WWP1: variants seen among roughly 807,000 people sequenced by gnomAD.
The protein encoded by WWP1 is WW domain containing E3 ubiquitin protein ligase 1.
In WWP1, 49 loss-of-function variants were observed where a neutral mutation model predicts 130.6. The ratio of observed to expected loss-of-function variants is 0.38; its 90% CI spans 0.30 to 0.48. WWP1 has a LOEUF of 0.48. Among genes scored for constraint, WWP1 ranks in the 20% least tolerant of loss-of-function variants. WWP1 has a pLI of 0.99. For missense variants in WWP1, 809 were observed against 1,100.6 expected (o/e 0.74, Z 3.75); for synonymous variants, 332 against 367.8 (o/e 0.90, Z 1.11).
intron 23 of WWP1, 81 bp from the exon 24 acceptor site, chr8:86,461,693 A>T: frequency 9.2e-7 from 1 of 1,088,504 alleles, no homozygotes; most frequent in Non-Finnish European, 1.4e-6. Context: ...TGACTGTGCA[A>T]CATGTTCTAT....
intron 5 of WWP1, among the ~76,000 whole-genome samples, chr8:86,383,330 T>G (rs1825089552): frequency 6.6e-6 from 1 of 152,250 alleles, no homozygotes; most frequent in East Asian, 1.9e-4. Flanking sequence ...TTCTGTTATG[T>G]TAGACTCTAC....
At position 86,430,786 on chromosome 8, in the gene WWP1, T is replaced by C. The variant is rs372189504; in HGVS notation, c.1387+35T>C. The C allele has an allele frequency of 1.5e-5, 11 of 724,508 alleles. No homozygotes were observed. In the African/African-American group the frequency reaches 1.8e-4, roughly 12 times the overall value. 44.9% of individuals were successfully genotyped at this position (724,508 alleles called of 1,614,324 possible). A position where few individuals can be genotyped will look rare whatever the true frequency, so the allele number is the denominator to read the frequency against. ...TTTTGCTAATGATCTATAAGGGAGA[T>C]ATATATCTCTCCATATATATATATA... On this transcript the variant is annotated intron_variant, in intron 12 of 24. Coordinates refer to ENST00000517970, the MANE Select transcript of WWP1 (RefSeq NM_007013.4).
At chr8:86,421,236 G>A (rs1421563080) in intron 9 of WWP1, among the ~76,000 whole-genome samples, 1 of 148,986 alleles carries the variant, frequency 6.7e-6, no homozygotes, top group Admixed American at 6.6e-5. Flanking sequence ...GGATATAATA[G>A]GCAAGTTTAA....
At chr8:86,361,073 A>G (rs1455436541) in intron 1 of WWP1, among the ~76,000 whole-genome samples, 6 of 152,204 alleles carry the variant, frequency 3.9e-5, no homozygotes, top group Non-Finnish European at 5.9e-5. Context: ...AGTTAAAATG[A>G]GAGAACGTTG....
At chr8:86,353,355 A>C (rs2130128459) in intron 1 of WWP1, among the ~76,000 whole-genome samples, 1 of 152,046 alleles carries the variant, frequency 6.6e-6, no homozygotes, top group Non-Finnish European at 1.5e-5. Flanking sequence ...TCCTGGAAAA[A>C]CCTAAAAATA....
At position 86,347,014 on chromosome 8, in the gene WWP1, A is replaced by AT. The variant is rs1822623409; in HGVS notation, c.-115+4087dup. Among the ~76,000 whole-genome samples the AT allele has an allele frequency of 2.0e-5, 3 of 151,786 alleles. No homozygotes were observed. The South Asian group carries it at 6.2e-4, about 32-fold the overall frequency. ...TTTATATTTTATTTTATTTTATTTTATTTATTTATTTTTGAGACAGGGTCT... is the reference window on the plus strand; with the variant it reads ...TTTATATTTTATTTTATTTTATTTTATTTTATTTATTTTTGAGACAGGGTCT... On this transcript the variant is annotated intron_variant, in intron 1 of 24. Transcript: ENST00000517970.
At chr8:86,432,464 A>G (rs192310456) in intron 14 of WWP1, among the ~76,000 whole-genome samples, 220 of 151,852 alleles carry the variant, frequency 1.4e-3, no homozygotes, top group African/African-American at 5.1e-3. Context: ...TCCAACAGTT[A>G]TCACCTTTGT....
chr8:86,393,000 T>TA lies in WWP1; in HGVS notation c.335-5335dup, dbSNP rs548936127. Among the ~76,000 whole-genome samples the TA allele has an allele frequency of 4.0e-3, 600 of 151,320 alleles. 2 individuals carry two copies. Among genetic ancestry groups the TA allele is most frequent in the Non-Finnish European group, 6.9e-3 (467 of 67,342 alleles). On this transcript the variant is annotated intron_variant, in intron 5 of 24. Transcript: ENST00000517970. ...TGTAAATATTTGCCACATTATTAGA[T>TA]AAAAAAATGAGAAGTTTTATTATCA...
intron 7 of WWP1, among the ~76,000 whole-genome samples, chr8:86,401,033 G>C (rs56395805): frequency 6.7e-6 from 1 of 148,796 alleles, no homozygotes; most frequent in Admixed American, 6.7e-5. Context: ...TTTAAACACT[G>C]TGTCTCACCA....
At chr8:86,465,565 C>A (rs551412033) in intron 24 of WWP1, among the ~76,000 whole-genome samples, 101 of 152,100 alleles carry the variant, frequency 6.6e-4, no homozygotes, top group African/African-American at 2.4e-3. Context: ...CCTGGGAGGT[C>A]GAGGTCGCAG....
intron 1 of WWP1, among the ~76,000 whole-genome samples, chr8:86,367,889 A>G (rs182227539): frequency 6.6e-6 from 1 of 152,206 alleles, no homozygotes; most frequent in Non-Finnish European, 1.5e-5. Flanking sequence ...ATTCTGTTCA[A>G]CATTTATTCC....
chr8:86,394,632 C>T (rs1413089217), intron 5 of WWP1, among the ~76,000 whole-genome samples: 4 of 152,170 alleles, frequency 2.6e-5, no homozygotes, highest in African/African-American at 9.7e-5. Flanking sequence ...GTGCCTGGCA[C>T]ACCGTAGGCA....
At chr8:86,379,697 T>A (rs1044042128) in intron 3 of WWP1, among the ~76,000 whole-genome samples, 4 of 152,220 alleles carry the variant, frequency 2.6e-5, no homozygotes, top group Admixed American at 2.6e-4. Flanking sequence ...ATTTTTAAGC[T>A]TTTATTTGAA....
At chr8:86,431,803 C>T in intron 14 of WWP1, 60 bp downstream of exon 14, 2 of 1,590,868 alleles carry the variant, frequency 1.3e-6, no homozygotes, top group East Asian at 2.2e-5. Flanking sequence ...GAGATTTAGT[C>T]TCTAATTTAT....
intron 17 of WWP1, among the ~76,000 whole-genome samples, chr8:86,440,438 A>G (rs1386972077): frequency 6.6e-6 from 1 of 152,184 alleles, no homozygotes; most frequent in Non-Finnish European, 1.5e-5. Context: ...CACTAGATAT[A>G]AATTTCTCGC....
intron 1 of WWP1, among the ~76,000 whole-genome samples, chr8:86,363,794 C>CAAAAAAAA (rs375454489): frequency 3.5e-5 from 2 of 57,578 alleles, no homozygotes; most frequent in Non-Finnish European, 3.5e-5. Flanking sequence ...GACTCCATCT[C>CAAAAAAAA]AAAAAAAAAA....
intron 1 of WWP1, among the ~76,000 whole-genome samples, chr8:86,366,513 C>A (rs1823977241): frequency 2.0e-5 from 3 of 152,192 alleles, no homozygotes; most frequent in African/African-American, 7.2e-5. Flanking sequence ...CTTCTCCTGA[C>A]ATGTAGTTCC....
chr8:86,377,147 G>T (rs530107344), intron 3 of WWP1, among the ~76,000 whole-genome samples: 1 of 151,844 alleles, frequency 6.6e-6, no homozygotes, highest in African/African-American at 2.4e-5. Context: ...GTGCAGTGGC[G>T]TGATCTTGGC....
At chr8:86,443,492 TTATTTATTTACG>T (rs969207314) in intron 18 of WWP1, among the ~76,000 whole-genome samples, 7 of 152,176 alleles carry the variant, frequency 4.6e-5, no homozygotes, top group African/African-American at 1.7e-4. Flanking sequence ...GTGTTTGTAT[TTATTTATTTACG>T]TATTTATTTA....
Sources: gnomAD v4.1 joint callset for allele counts (sites outside exome capture counted in the v4.1 genomes callset) on GRCh38, gnomAD v4.1.1 for gene constraint, MANE v1.5 for transcripts, NCBI Gene and HGNC (gene_info 2026-07-23, HGNC 2026-07-21) for gene names.